Variants in KDM1B observed in about 807,000 individuals in gnomAD.
KDM1B encodes the protein lysine demethylase 1B, also known as lysine-specific histone demethylase 2.
In KDM1B, 63 loss-of-function variants were observed where a neutral mutation model predicts 107.4. The observed-to-expected ratio is 0.59, with a 90% CI of 0.48 to 0.72. The LOEUF (loss-of-function observed/expected upper bound fraction) is 0.72, where lower values mean the gene tolerates loss of function less well. Among genes scored for constraint, KDM1B ranks in the 30% least tolerant of loss-of-function variants. KDM1B has a pLI of 0.00. For missense variants in KDM1B, 749 were observed against 1,020.8 expected, an observed-to-expected ratio of 0.73 and a Z score of 3.63; for synonymous variants, 363 against 363.9, an observed-to-expected ratio of 1.00 and a Z score of 0.03.
intron 7 of KDM1B, among the ~76,000 whole-genome samples, chr6:18,177,814 C>G (rs1407362913): frequency 6.6e-6 from 1 of 152,056 alleles, no homozygotes; most frequent in Non-Finnish European, 1.5e-5. Context: ...GGGACATAGC[C>G]ATGCTCATTG....
intron 17 of KDM1B, among the ~76,000 whole-genome samples, chr6:18,208,844 T>C (rs1335607133): frequency 2.0e-5 from 3 of 147,718 alleles, no homozygotes; most frequent in Non-Finnish European, 3.0e-5. Flanking sequence ...TTAGTAGAGA[T>C]GGGGTTTCAC....
Position 18,214,908 on chromosome 6 carries a change from T to A in KDM1B, c.2110-99T>A, listed in dbSNP as rs1039854738. 1.6e-6 allele frequency: 2 copies of A among 1,261,124 alleles called. No homozygotes were observed. Among genetic ancestry groups the A allele is most frequent in the Non-Finnish European group, 1.1e-6 (1 of 920,008 alleles). The allele number at this position is 1,261,124 out of a possible 1,614,324, so 78.1% of individuals were successfully genotyped here. A position where few individuals can be genotyped will look rare whatever the true frequency, so the allele number is the denominator to read the frequency against. On this transcript the variant is annotated intron_variant, in intron 19 of 21. Transcript: ENST00000650836. The surrounding 1 kb of genome is among the most constrained non-coding windows in gnomAD (Gnocchi z 4.4). ...CTGGGTGACAGAGCAAAACTCTGTCTCATTTAAAACAAAACAAAACAAAAA... is the reference window on the plus strand; with the variant it reads ...CTGGGTGACAGAGCAAAACTCTGTCACATTTAAAACAAAACAAAACAAAAA...
Position 18,201,641 on chromosome 6 carries a change from A to C in KDM1B, c.1515A>C (p.Gln505His). 1.3e-6 allele frequency: 2 copies of C among 1,550,436 alleles called. No homozygotes were observed. The highest frequency in any genetic ancestry group is 1.7e-6 in the Non-Finnish European group (2 of 1,146,884). The change falls in exon 14 of 22, where the codon CAA becomes CAC. Residue 505 changes from glutamine to histidine, a missense_variant. Gln to His is a conservative substitution (Grantham distance 24). Transcript: ENST00000650836. This position sits in a 1 kb window ranked among gnomAD's most constrained non-coding sequence, Gnocchi z 4.3. ...SEWRKDKTQLQDVPLGEKIEE... is the reference protein window; with the variant it reads ...SEWRKDKTQLHDVPLGEKIEE... The stretch of plus-strand genomic sequence containing the variant: ...GGAGAAAGGATAAGACTCAGCTCCA[A>C]GATGTCCCTTTAGGAGGTATGGGGA...
In KDM1B at chr6:18,203,717, G is replaced by A. The variant is rs1788192684; in HGVS notation, c.1532-1820G>A. 6.6e-6 allele frequency among the ~76,000 whole-genome samples: 1 copy of A among 152,002 alleles called. No homozygotes were observed. Among genetic ancestry groups the A allele is most frequent in the Non-Finnish European group, 1.5e-5 (1 of 67,980 alleles). ...ATAATACAAAAATTAGTCGAGCATG[G>A]TGGTGCATGCCTGTAATCCCAGGTA... On this transcript the variant is annotated intron_variant, in intron 14 of 21. Transcript: ENST00000650836. The surrounding 1 kb of genome is among the most constrained non-coding windows in gnomAD (Gnocchi z 5.5).
chr6:18,161,010 A>G (rs1375017918), intron 3 of KDM1B, among the ~76,000 whole-genome samples: 1 of 151,670 alleles, frequency 6.6e-6, no homozygotes, highest in African/African-American at 2.4e-5. Context: ...CACCTCAGCC[A>G]CCCAAAGTGC....
At position 18,212,527 on chromosome 6, in the gene KDM1B, G is replaced by T; in HGVS notation, c.1906G>T (p.Ala636Ser). 1 of 1,614,034 alleles carries T rather than the reference G, an allele frequency of 6.2e-7. No individual in the cohort carries two copies. Among genetic ancestry groups the T allele is most frequent in the Non-Finnish European group, 8.5e-7 (1 of 1,179,896 alleles). Residue 636 changes from alanine (A) to serine (S), a missense_variant, in exon 18 of 22, where the codon GCC becomes TCC. Transcript: ENST00000650836. This position sits in a 1 kb window ranked among gnomAD's most constrained non-coding sequence, Gnocchi z 5.2. Reference sequence around the variant, plus strand: ...ACCACTGGCTTTACTACAGAAAGGTGCCATTCAGTTTAATCCACCGTTGTC... The same window carrying T: ...ACCACTGGCTTTACTACAGAAAGGTTCCATTCAGTTTAATCCACCGTTGTC... ...TVPLALLQKG[A>S]IQFNPPLSEK...
intron 7 of KDM1B, among the ~76,000 whole-genome samples, chr6:18,174,606 G>GC (rs1398760775): frequency 1.3e-5 from 2 of 149,626 alleles, no homozygotes; most frequent in South Asian, 4.2e-4. Flanking sequence ...TTTGTCCCTA[G>GC]CCCCCCTTCT....
At chr6:18,165,127 G>GTTTT (rs1276116318) in intron 5 of KDM1B, among the ~76,000 whole-genome samples, 16 of 49,696 alleles carry the variant, frequency 3.2e-4, no homozygotes, top group Admixed American at 8.1e-4. Flanking sequence ...TGCCTTCTCT[G>GTTTT]ATTTTTTTTT....
chr6:18,215,255 C>A (rs1374236407), intron 20 of KDM1B, 126 bp downstream of exon 20: 13 of 1,107,396 alleles, frequency 1.2e-5, no homozygotes, highest in Non-Finnish European at 1.6e-5. Context: ...AGTCTTCTTT[C>A]TTTCAGAGTC....
intron 7 of KDM1B, among the ~76,000 whole-genome samples, chr6:18,181,418 C>G (rs1561922849): frequency 6.6e-6 from 1 of 151,882 alleles, no homozygotes; most frequent in Non-Finnish European, 1.5e-5. Flanking sequence ...TTCTTTATCC[C>G]AAGAAATAAG....
Position 18,162,788 on chromosome 6 carries a change from G to C in KDM1B, c.216-47G>C. On this transcript the variant is annotated intron_variant, in intron 4 of 21. Coordinates refer to ENST00000650836, the MANE Select transcript of KDM1B (RefSeq NM_001364614.2). This position sits in a 1 kb window ranked among gnomAD's most constrained non-coding sequence, Gnocchi z 4.1. ...AGATGTTTTTTAAAAAATGGGAGGA[G>C]AAATGTTTATTCATTACCAAAGCTA... The C allele has an allele frequency of 9.2e-7, 1 of 1,085,058 alleles. No individual in the cohort carries two copies. Among genetic ancestry groups the C allele is most frequent in the African/African-American group, 1.6e-5 (1 of 64,468 alleles). The allele number at this position is 1,085,058 out of a possible 1,614,324, so 67.2% of individuals were successfully genotyped here. A position where few individuals can be genotyped will look rare whatever the true frequency, so the allele number is the denominator to read the frequency against.
rs750532574 is a variant in KDM1B at position 18,213,042 on chromosome 6, C to G, written c.1983+438C>G. ...AGTGAGAGTTTAACTTAGGGACATA[C>G]GCCCAGGAGTGAGTCTTAGGAATGC... On this transcript the variant is annotated intron_variant, in intron 18 of 21. Coordinates refer to ENST00000650836, the MANE Select transcript of KDM1B (RefSeq NM_001364614.2). The surrounding 1 kb of genome is among the most constrained non-coding windows in gnomAD (Gnocchi z 5.9). Among the ~76,000 whole-genome samples the G allele has an allele frequency of 6.6e-6, 1 of 152,118 alleles. No individual in the cohort carries two copies. Among genetic ancestry groups the G allele is most frequent in the Non-Finnish European group, 1.5e-5 (1 of 68,022 alleles).
Position 18,200,317 on chromosome 6 carries a change from G to T in KDM1B, c.1222-122G>T. 1 of 1,005,568 alleles carries T rather than the reference G, an allele frequency of 9.9e-7. No individual in the cohort carries two copies. The allele number at this position is 1,005,568 out of a possible 1,614,324, so 62.3% of individuals were successfully genotyped here. On this transcript the variant is annotated intron_variant, in intron 12 of 21. Coordinates refer to ENST00000650836, the MANE Select transcript of KDM1B (RefSeq NM_001364614.2). This position sits in a 1 kb window ranked among gnomAD's most constrained non-coding sequence, Gnocchi z 4.3. ...CCTGCTTTTTAAAGTTGTTTTTTTAGAAATATTTGGAATTAACCAAATATA... is the reference window on the plus strand; with the variant it reads ...CCTGCTTTTTAAAGTTGTTTTTTTATAAATATTTGGAATTAACCAAATATA...
chr6:18,201,377 G>A lies in KDM1B; in HGVS notation c.1360-109G>A. On this transcript the variant is annotated intron_variant, in intron 13 of 21. Transcript: ENST00000650836. This position sits in a 1 kb window ranked among gnomAD's most constrained non-coding sequence, Gnocchi z 4.3. ...AGCATATTTAGCTTTATTTTTGAGAGATATGAGACCATTTTCTCCATGAGA... is the reference window on the plus strand; with the variant it reads ...AGCATATTTAGCTTTATTTTTGAGAAATATGAGACCATTTTCTCCATGAGA... 2.6e-6 allele frequency: 2 copies of A among 754,744 alleles called. No individual in the cohort carries two copies. Among genetic ancestry groups the A allele is most frequent in the South Asian group, 3.9e-5 (2 of 51,210 alleles). 46.8% of individuals were successfully genotyped at this position (754,744 alleles called of 1,614,324 possible). A position where few individuals can be genotyped will look rare whatever the true frequency, so the allele number is the denominator to read the frequency against.
chr6:18,207,638 G>T, intron 16 of KDM1B, 109 bp downstream of exon 16: 1 of 1,332,798 alleles, frequency 7.5e-7, no homozygotes, highest in East Asian at 2.4e-5. Flanking sequence ...TGTTTAGCCA[G>T]GGTCTAGAAG....
chr6:18,185,297 ACT>A (rs1786781051), intron 7 of KDM1B, among the ~76,000 whole-genome samples: 1 of 137,860 alleles, frequency 7.3e-6, no homozygotes, highest in African/African-American at 2.7e-5. Flanking sequence ...GTCTCCCCAC[ACT>A]CTCACTTTTT....
Position 18,187,987 on chromosome 6 carries a change from G to T in KDM1B, c.769G>T (p.Ala257Ser), listed in dbSNP as rs1786989631. 6.5e-7 allele frequency: 1 copy of T among 1,550,296 alleles called. No individual in the cohort carries two copies. Among genetic ancestry groups the T allele is most frequent in the Non-Finnish European group, 8.7e-7 (1 of 1,146,992 alleles). Residue 257 changes from alanine (A) to serine (S), a missense_variant, in exon 9 of 22, where the codon GCC becomes TCC. Ala to Ser is a moderately conservative substitution (Grantham distance 99, BLOSUM62 1). Coordinates refer to ENST00000650836, the MANE Select transcript of KDM1B (RefSeq NM_001364614.2). ...SPGKLEHSKA[A>S]LSVHVPGMNR... ...TGGGAAGCTGGAGCACTCCAAGGCT[G>T]CCCTCTCCGTGCACGGTGAGAGCCA...
At chr6:18,165,321 G>T (rs1365817091) in intron 5 of KDM1B, among the ~76,000 whole-genome samples, 2 of 151,308 alleles carry the variant, frequency 1.3e-5, no homozygotes, top group East Asian at 4.0e-4. Context: ...TAGTAGAGAC[G>T]GGGTTTCACT....
chr6:18,193,126 A>G (rs539853887), intron 10 of KDM1B, among the ~76,000 whole-genome samples: 2 of 144,394 alleles, frequency 1.4e-5, no homozygotes, highest in African/African-American at 5.1e-5. Context: ...ACCCAGGAGG[A>G]GGAGGCTGCA....
Sources: allele counts gnomAD v4.1 joint callset (sites outside exome capture counted in the v4.1 genomes callset), GRCh38; gene constraint gnomAD v4.1.1; non-coding constraint Gnocchi (gnomAD v3.1); transcripts MANE v1.5; gene names NCBI Gene and HGNC (gene_info 2026-07-23, HGNC 2026-07-21).